ETS1: variants seen among roughly 807,000 people sequenced by gnomAD.
The protein encoded by ETS1 is protein C-ets-1.
A neutral mutation model predicts 58.6 loss-of-function variants in ETS1; 15 were observed. That is an observed-to-expected ratio of 0.26 (90% CI 0.17 to 0.39). ETS1 has a LOEUF of 0.39. Ranked by LOEUF, ETS1 falls within the 10% of genes least tolerant of loss-of-function variation. The pLI, the probability that ETS1 is intolerant of heterozygous loss-of-function variation, is 1.00. For missense variants in ETS1, 417 were observed against 610.5 expected (o/e 0.68, Z 3.34); for synonymous variants, 214 against 218.2 (o/e 0.98, Z 0.17).
chr11:128,565,933 G>T (rs555001871), intron 2 of ETS1, among the ~76,000 whole-genome samples: 29 of 152,198 alleles, frequency 1.9e-4, no homozygotes, highest in Non-Finnish European at 4.0e-4. Flanking sequence ...CACATCCAAT[G>T]ACTGGAGTCC....
intron 3 of ETS1, among the ~76,000 whole-genome samples, chr11:128,509,193 C>T (rs1036603302): frequency 6.6e-6 from 1 of 152,224 alleles, no homozygotes; most frequent in African/African-American, 2.4e-5. Flanking sequence ...AAGCTCCCTG[C>T]AAGAGAGACC....
intron 2 of ETS1, among the ~76,000 whole-genome samples, chr11:128,565,400 T>C (rs1208825670): frequency 6.6e-6 from 1 of 152,156 alleles, no homozygotes; most frequent in Non-Finnish European, 1.5e-5. Flanking sequence ...CGGTGAGCAA[T>C]AAATTTCTAT....
intron 5 of ETS1, among the ~76,000 whole-genome samples, chr11:128,486,890 C>G (rs1862648209): frequency 1.3e-5 from 2 of 152,178 alleles, no homozygotes; most frequent in African/African-American, 4.8e-5. Flanking sequence ...TGCCATGGCT[C>G]CGATTCTTGT....
In ETS1 at chr11:128,557,480, T is replaced by C. The variant is rs1167988828; in HGVS notation, c.70-1045A>G. ...TATATATTGTATGAAATGCATGTGA[T>C]AAGTATGTGAGGCCTGGTCTTCAAT... is the stretch of plus-strand genomic sequence containing the variant. On this transcript the variant is annotated intron_variant, in intron 2 of 9. Coordinates refer to ENST00000392668, the MANE Select transcript of ETS1 (RefSeq NM_001143820.2). 2.6e-5 allele frequency among the ~76,000 whole-genome samples: 4 copies of C among 152,208 alleles called. No homozygotes were observed. The East Asian group carries it at 7.7e-4, about 29-fold the overall frequency.
At chr11:128,466,771 C>CTT (rs143750888) in intron 8 of ETS1, among the ~76,000 whole-genome samples, 26 of 149,552 alleles carry the variant, frequency 1.7e-4, no homozygotes, top group East Asian at 1.2e-3. Context: ...CTCTCTAACT[C>CTT]TTTTTTTTTT....
At chr11:128,552,701 C>T (rs1267546796) in intron 3 of ETS1, among the ~76,000 whole-genome samples, 2 of 124,540 alleles carry the variant, frequency 1.6e-5, no homozygotes, top group African/African-American at 3.9e-5. Flanking sequence ...AAATATGGAC[C>T]GCTGGCATTG....
intron 5 of ETS1, 46 bp from the exon 6 acceptor site, chr11:128,486,192 T>C (rs1862627861): frequency 8.1e-7 from 1 of 1,235,912 alleles, no homozygotes; most frequent in Admixed American, 1.8e-5. Flanking sequence ...AATATTCAAG[T>C]CATGCTTGGC....
At chr11:128,538,088 A>G (rs1261602991) in intron 3 of ETS1, among the ~76,000 whole-genome samples, 1 of 152,354 alleles carries the variant, frequency 6.6e-6, no homozygotes, top group East Asian at 1.9e-4. Flanking sequence ...CACAACTATT[A>G]GTGACTTTCT....
intron 4 of ETS1, among the ~76,000 whole-genome samples, chr11:128,489,721 C>T (rs1212074887): frequency 6.6e-6 from 1 of 152,158 alleles, no homozygotes; most frequent in African/African-American, 2.4e-5. Flanking sequence ...CTACTGCCAG[C>T]CAAAAAGTAC....
In ETS1 at chr11:128,486,065, T is replaced by G. The variant is rs1352871980; in HGVS notation, c.613+4A>C. 1 of 1,590,496 alleles carries G rather than the reference T, an allele frequency of 6.3e-7. No individual in the cohort carries two copies. Among genetic ancestry groups the G allele is most frequent in the Admixed American group, 1.7e-5 (1 of 59,920 alleles). ...TGAGAGAAGAGGGGTAGAAATGAAC[T>G]TACTAATGAAGTAATCCGAGGTATA... On this transcript the variant is annotated splice_donor_region_variant and intron_variant, in intron 6 of 9. Transcript: ENST00000392668.
intron 3 of ETS1, among the ~76,000 whole-genome samples, chr11:128,507,586 C>A (rs1375613894): frequency 6.6e-6 from 1 of 152,184 alleles, no homozygotes; most frequent in East Asian, 1.9e-4. Context: ...CAATCAGCAA[C>A]CAGCAAACCC....
intron 3 of ETS1, among the ~76,000 whole-genome samples, chr11:128,503,449 T>A (rs952537076): frequency 6.6e-6 from 1 of 152,038 alleles, no homozygotes; most frequent in African/African-American, 2.4e-5. Flanking sequence ...ATCTGGAGGG[T>A]GCGCTCATAA....
intron 7 of ETS1, among the ~76,000 whole-genome samples, chr11:128,483,329 T>C (rs1862539869): frequency 6.6e-6 from 1 of 152,062 alleles, no homozygotes; most frequent in South Asian, 2.1e-4. Context: ...CCAGATGCAA[T>C]TTCAAAACAA....
At chr11:128,526,160 A>T (rs1277287840) in intron 3 of ETS1, 1 of 9,422 alleles carries the variant, frequency 1.1e-4, no homozygotes. Context: ...GGAAGAAGGG[A>T]GGGTGGGGTG....
At chr11:128,499,571 T>C (rs534250677) in intron 3 of ETS1, among the ~76,000 whole-genome samples, 12 of 152,234 alleles carry the variant, frequency 7.9e-5, no homozygotes, top group African/African-American at 2.9e-4. Flanking sequence ...GTTTTCTCCC[T>C]GCACCTATTC....
At chr11:128,583,804 G>A (rs1386465056) in intron 1 of ETS1, among the ~76,000 whole-genome samples, 1 of 151,894 alleles carries the variant, frequency 6.6e-6, no homozygotes, top group Admixed American at 6.6e-5. Flanking sequence ...ATGCTAGTAA[G>A]TACTACCCAG....
chr11:128,529,843 T>C (rs923433592), intron 3 of ETS1, among the ~76,000 whole-genome samples: 1 of 152,164 alleles, frequency 6.6e-6, no homozygotes, highest in Non-Finnish European at 1.5e-5. Flanking sequence ...CATAATGAAT[T>C]AATATGAATC....
At position 128,569,488 on chromosome 11, in the gene ETS1, A is replaced by T. The variant is rs576830341; in HGVS notation, c.69+3574T>A. 5.5e-4 allele frequency among the ~76,000 whole-genome samples: 84 copies of T among 151,578 alleles called. 1 individual carries two copies. Among genetic ancestry groups the T allele is most frequent in the African/African-American group, 2.0e-3 (81 of 41,316 alleles). On this transcript the variant is annotated intron_variant, in intron 2 of 9. Coordinates refer to ENST00000392668, the MANE Select transcript of ETS1 (RefSeq NM_001143820.2). ...GGTTGCCTGGGGCTCTGACTTTCTTATCTAGGAAAGTTAATGAAGCTATGC... is the reference window on the plus strand; with the variant it reads ...GGTTGCCTGGGGCTCTGACTTTCTTTTCTAGGAAAGTTAATGAAGCTATGC...
At chr11:128,535,717 T>C (rs1015943731) in intron 3 of ETS1, among the ~76,000 whole-genome samples, 1 of 152,216 alleles carries the variant, frequency 6.6e-6, no homozygotes, top group African/African-American at 2.4e-5. Flanking sequence ...TGTCTATGCA[T>C]GATGACATTT....
Sources: gnomAD v4.1 joint callset for allele counts (sites outside exome capture counted in the v4.1 genomes callset) on GRCh38, gnomAD v4.1.1 for gene constraint, MANE v1.5 for transcripts, NCBI Gene and HGNC (gene_info 2026-07-23, HGNC 2026-07-21) for gene names.